MSRB3: variants seen among roughly 807,000 people sequenced by gnomAD.
The protein encoded by MSRB3 is methionine-R-sulfoxide reductase B3.
A neutral mutation model predicts 21.0 loss-of-function variants in MSRB3; 13 were observed. That is an observed-to-expected ratio of 0.62 (90% CI 0.40 to 0.98). The LOEUF (loss-of-function observed/expected upper bound fraction) is 0.98, where lower values mean the gene tolerates loss of function less well. MSRB3 is among the 50% of genes least tolerant of loss of function. MSRB3 has a pLI of 0.00. For synonymous variants in MSRB3, 87 were observed against 88.6 expected, an observed-to-expected ratio of 0.98 and a Z score of 0.10; for missense variants, 199 against 230.3, an observed-to-expected ratio of 0.86 and a Z score of 0.88.
At chr12:65,334,462 T>C (rs1875630547) in intron 4 of MSRB3, among the ~76,000 whole-genome samples, 1 of 152,208 alleles carries the variant, frequency 6.6e-6, no homozygotes, top group Admixed American at 6.5e-5. Flanking sequence ...GAAATTTTAA[T>C]ATTTTATTTT....
intron 5 of MSRB3, among the ~76,000 whole-genome samples, chr12:65,370,282 A>T (rs1878245448): frequency 3.3e-5 from 5 of 152,146 alleles, no homozygotes; most frequent in South Asian, 4.1e-4. Context: ...TTCATTTTTT[A>T]AGTTAAAATC....
chr12:65,421,759 C>T (rs1881309253), intron 5 of MSRB3, among the ~76,000 whole-genome samples: 1 of 152,280 alleles, frequency 6.6e-6, no homozygotes, highest in Non-Finnish European at 1.5e-5. Context: ...AAGACCATTA[C>T]CAGCTGATGC....
intron 5 of MSRB3, among the ~76,000 whole-genome samples, chr12:65,438,428 C>CA (rs1882219141): frequency 6.6e-6 from 1 of 151,848 alleles, no homozygotes; most frequent in East Asian, 1.9e-4. Flanking sequence ...TAGAGGAACT[C>CA]AAGTCTACAG....
chr12:65,345,703 G>A (rs954385087), intron 4 of MSRB3, among the ~76,000 whole-genome samples: 3 of 152,138 alleles, frequency 2.0e-5, no homozygotes, highest in East Asian at 1.9e-4. Context: ...TTAACATTAG[G>A]TATATCTCCT....
chr12:65,343,507 GA>G (rs1268215025), intron 4 of MSRB3, among the ~76,000 whole-genome samples: 1 of 152,002 alleles, frequency 6.6e-6, no homozygotes, highest in Non-Finnish European at 1.5e-5. Flanking sequence ...CAAATGGATT[GA>G]TTTTTTTTAA....
chr12:65,458,339 T>C (rs1417274510), intron 6 of MSRB3, among the ~76,000 whole-genome samples: 1 of 152,326 alleles, frequency 6.6e-6, no homozygotes, highest in East Asian at 1.9e-4. Context: ...TGTAGACTCA[T>C]TGGGAGCCAA....
intron 5 of MSRB3, among the ~76,000 whole-genome samples, chr12:65,429,536 A>G (rs1406477746): frequency 6.6e-6 from 1 of 152,102 alleles, no homozygotes; most frequent in African/African-American, 2.4e-5. Context: ...CTTGAACTGA[A>G]TGTGTCAAGC....
At chr12:65,348,209 T>C (rs1397026068) in intron 4 of MSRB3, among the ~76,000 whole-genome samples, 1 of 152,218 alleles carries the variant, frequency 6.6e-6, no homozygotes, top group Non-Finnish European at 1.5e-5. Flanking sequence ...TGAATCCCTC[T>C]GGTCCTGGAC....
intron 5 of MSRB3, among the ~76,000 whole-genome samples, chr12:65,421,535 G>A (rs1881295193): frequency 6.6e-6 from 1 of 152,072 alleles, no homozygotes; most frequent in Non-Finnish European, 1.5e-5. Context: ...TGAAATTTTT[G>A]GCAGTTTCTA....
At chr12:65,455,511 A>G (rs1345525363) in intron 6 of MSRB3, among the ~76,000 whole-genome samples, 1 of 152,118 alleles carries the variant, frequency 6.6e-6, no homozygotes. Flanking sequence ...CTTCTGAGGT[A>G]GGTCCTTTTT....
intron 5 of MSRB3, among the ~76,000 whole-genome samples, chr12:65,431,791 T>C (rs999861321): frequency 6.6e-6 from 1 of 152,094 alleles, no homozygotes; most frequent in South Asian, 2.1e-4. Context: ...GCACAAGTCT[T>C]TGTGTGTTTT....
chr12:65,437,752 C>T (rs917630435), intron 5 of MSRB3, among the ~76,000 whole-genome samples: 1 of 151,866 alleles, frequency 6.6e-6, no homozygotes, highest in African/African-American at 2.4e-5. Context: ...TTGATCTAAG[C>T]CAATCATAAA....
chr12:65,346,079 T>C (rs1322499049), intron 4 of MSRB3, among the ~76,000 whole-genome samples: 3 of 152,176 alleles, frequency 2.0e-5, no homozygotes, highest in East Asian at 3.9e-4. Context: ...GCATGTTTTA[T>C]AATCCTTTGG....
chr12:65,288,589 G>A (rs2136391693), intron 1 of MSRB3, among the ~76,000 whole-genome samples: 1 of 152,218 alleles, frequency 6.6e-6, no homozygotes, highest in East Asian at 1.9e-4. Flanking sequence ...AGATTACAAT[G>A]TATCAGAAGC....
chr12:65,409,222 A>G (rs1880589444), intron 5 of MSRB3, among the ~76,000 whole-genome samples: 6 of 151,910 alleles, frequency 3.9e-5, no homozygotes, highest in Admixed American at 3.9e-4. Flanking sequence ...ACACACTGTC[A>G]TGAATAATTT....
At chr12:65,459,022 T>C (rs936105277) in intron 6 of MSRB3, among the ~76,000 whole-genome samples, 2 of 152,190 alleles carry the variant, frequency 1.3e-5, no homozygotes, top group Non-Finnish European at 2.9e-5. Flanking sequence ...GTAAGTTCCT[T>C]CTAGAATACT....
chr12:65,441,911 T>C (rs952073452), intron 5 of MSRB3, among the ~76,000 whole-genome samples: 1 of 152,056 alleles, frequency 6.6e-6, no homozygotes, highest in Non-Finnish European at 1.5e-5. Flanking sequence ...CAAAACACCA[T>C]TTGTCATATA....
chr12:65,390,454 C>T (rs1464139396), intron 5 of MSRB3, among the ~76,000 whole-genome samples: 1 of 152,136 alleles, frequency 6.6e-6, no homozygotes, highest in East Asian at 1.9e-4. Flanking sequence ...AGTTTAGCCT[C>T]ACTATTACTC....
intron 1 of MSRB3, chr12:65,279,099 G>A: frequency 7.2e-7 from 1 of 1,388,546 alleles, no homozygotes; most frequent in Non-Finnish European, 9.3e-7. Context: ...CCCACCCGCC[G>A]AAGGGAGGCG....
Sources: gnomAD v4.1 joint callset for allele counts (sites outside exome capture counted in the v4.1 genomes callset) on GRCh38, gnomAD v4.1.1 for gene constraint, MANE v1.5 for transcripts, NCBI Gene and HGNC (gene_info 2026-07-23, HGNC 2026-07-21) for gene names.